The following INTS4 variants were observed in gnomAD, a reference collection of about 807,000 sequenced individuals.
The protein encoded by INTS4 is integrator complex subunit 4.
A neutral mutation model predicts 119.5 loss-of-function variants in INTS4; 70 were observed. The ratio of observed to expected loss-of-function variants is 0.59; its 90% confidence interval spans 0.48 to 0.71. INTS4 has a LOEUF of 0.71. Among genes scored for constraint, INTS4 ranks in the 30% least tolerant of loss-of-function variants. The pLI is 0.00. For missense variants in INTS4, 867 were observed against 1,173.2 expected, an observed-to-expected ratio of 0.74 and a Z score of 3.81; for synonymous variants, 316 against 419.6, an observed-to-expected ratio of 0.75 and a Z score of 3.02.
intron 8 of INTS4, among the ~76,000 whole-genome samples, chr11:77,951,991 A>C (rs1305327781): frequency 1.3e-5 from 2 of 152,238 alleles, no homozygotes. Context: ...TTAGAATGGC[A>C]ATCATTAAAA....
At chr11:77,960,921 T>C in intron 5 of INTS4, 32 bp downstream of exon 5, 1 of 1,573,672 alleles carries the variant, frequency 6.4e-7, no homozygotes, top group African/African-American at 1.4e-5. Context: ...AAATGAACAC[T>C]AGCCCCAACT....
At chr11:77,925,519 G>T (rs1251718247) in intron 11 of INTS4, among the ~76,000 whole-genome samples, 1 of 152,128 alleles carries the variant, frequency 6.6e-6, no homozygotes, top group African/African-American at 2.4e-5. Flanking sequence ...ATAAAGAGAG[G>T]TATACCTGTA....
At position 77,907,790 on chromosome 11, in the gene INTS4, T is replaced by A. The variant is rs1565236769; in HGVS notation, c.1943A>T (p.Glu648Val). ...TACTCCTGCCAATTCAGATTGAAGTTCTCCAAGTCTTTGCAGATCCCTATA... is the reference window on the plus strand; with the variant it reads ...TACTCCTGCCAATTCAGATTGAAGTACTCCAAGTCTTTGCAGATCCCTATA... ...FTIRDLQRLG[E>V]LQSELAGVAD... is the part of the protein sequence containing the mutation. Residue 648 changes from glutamate (E) to valine (V), a missense_variant, in exon 16 of 23, where the codon GAA becomes GTA. Around this residue, in one of 5 missense-constraint regions of INTS4, gnomAD observed 262 missense variants for 376.0 expected, o/e 0.70. Coordinates refer to ENST00000534064, the MANE Select transcript of INTS4 (RefSeq NM_033547.4). 6.2e-7 allele frequency: 1 copy of A among 1,613,198 alleles called. No individual in the cohort carries two copies. Among genetic ancestry groups the A allele is most frequent in the Admixed American group, 1.7e-5 (1 of 59,968 alleles).
rs141783704 is a variant in INTS4, at chr11:77,992,610, C to A, written c.55-1311G>T. On this transcript the variant is annotated intron_variant, in intron 1 of 22. Transcript: ENST00000534064. ...GCGTTTTTATGTACTGAGCAATCACCTCCTTACAAATTCACATTTCTATAG... is the reference window on the plus strand; with the variant it reads ...GCGTTTTTATGTACTGAGCAATCACATCCTTACAAATTCACATTTCTATAG... 7.8e-3 allele frequency among the ~76,000 whole-genome samples: 1,183 copies of A among 152,254 alleles called. 9 individuals carry two copies. The highest frequency in any genetic ancestry group is 0.011 in the Non-Finnish European group (768 of 68,010).
chr11:77,878,826 G>A lies in INTS4; in HGVS notation c.*123C>T, dbSNP rs761743402. ...TTATCCTGTGTTTGATACCAGATGA[G>A]ACTGTAAGGGTCACATACTCCTTAA... On this transcript the variant is annotated 3_prime_UTR_variant, in exon 23 of 23. Coordinates refer to ENST00000534064, the MANE Select transcript of INTS4 (RefSeq NM_033547.4). The A allele has an allele frequency of 1.5e-5, 12 of 785,800 alleles. No homozygotes were observed. Among genetic ancestry groups the A allele is most frequent in the African/African-American group, 5.1e-5 (3 of 58,372 alleles). 48.7% of individuals were successfully genotyped at this position (785,800 alleles called of 1,614,324 possible). A position where few individuals can be genotyped will look rare whatever the true frequency, so the allele number is the denominator to read the frequency against.
At chr11:77,931,266 T>C (rs1327996059) in intron 10 of INTS4, among the ~76,000 whole-genome samples, 2 of 151,980 alleles carry the variant, frequency 1.3e-5, no homozygotes, top group Non-Finnish European at 2.9e-5. Context: ...AGGGAGAAGA[T>C]GGATAAATTA....
Position 77,883,876 on chromosome 11 carries a change from T to C in INTS4, c.2669A>G (p.His890Arg). The C allele has an allele frequency of 6.2e-7, 1 of 1,613,086 alleles. No homozygotes were observed. Among genetic ancestry groups the C allele is most frequent in the South Asian group, 1.1e-5 (1 of 90,808 alleles). Residue 890 changes from histidine to arginine, a missense_variant, in exon 22 of 23, where the codon CAC (histidine) becomes CGC (arginine). This residue lies in a region of INTS4 where 122 missense variants were observed against 133.2 expected (regional missense o/e 0.92). Coordinates refer to ENST00000534064, the MANE Select transcript of INTS4 (RefSeq NM_033547.4). ...GAGATAAACCTGAGTGATGAGCCGG[T>C]GCCGCCCTGGGCCAGGATTCCGGAA... is the stretch of plus-strand genomic sequence containing the variant. Reference protein sequence around the residue: ...ADFRNPGPGRHRLITQVYLSH... With the variant: ...ADFRNPGPGRRRLITQVYLSH...
intron 14 of INTS4, among the ~76,000 whole-genome samples, chr11:77,920,182 T>TACACATATATATACATATACATAC (rs1953307547): frequency 1.0e-5 from 1 of 98,098 alleles, no homozygotes; most frequent in South Asian, 2.9e-4. Context: ...CATATACATA[T>TACACATATATATACATATACATAC]ACACATATAT....
At chr11:77,900,399 A>G (rs1952739424) in intron 18 of INTS4, among the ~76,000 whole-genome samples, 1 of 152,122 alleles carries the variant, frequency 6.6e-6, no homozygotes, top group Non-Finnish European at 1.5e-5. Flanking sequence ...ACACCCGGCC[A>G]CATATGAATA....
At chr11:77,969,302 G>A (rs1855620285) in intron 4 of INTS4, among the ~76,000 whole-genome samples, 1 of 152,138 alleles carries the variant, frequency 6.6e-6, no homozygotes, top group East Asian at 1.9e-4. Flanking sequence ...CCCAGAAAAC[G>A]TACGCAATTC....
At chr11:77,906,270 G>A (rs1952950673) in intron 16 of INTS4, among the ~76,000 whole-genome samples, 1 of 152,088 alleles carries the variant, frequency 6.6e-6, no homozygotes, top group African/African-American at 2.4e-5. Context: ...AAGAATTACT[G>A]ACTACAGAAT....
At chr11:77,883,729 A>T in intron 22 of INTS4, 103 bp downstream of exon 22, 1 of 1,227,902 alleles carries the variant, frequency 8.1e-7, no homozygotes, top group Non-Finnish European at 1.1e-6. Context: ...ACAAGGCCTG[A>T]TTCATCCATG....
intron 2 of INTS4, among the ~76,000 whole-genome samples, chr11:77,982,468 A>AT (rs1856283806): frequency 6.6e-6 from 1 of 152,120 alleles, no homozygotes; most frequent in South Asian, 2.1e-4. Context: ...CCAGATCCTG[A>AT]TTAGAAGTCT....
At chr11:77,874,404 G>C (rs1951543009), downstream of INTS4, among the ~76,000 whole-genome samples, 1 of 149,096 alleles carries the variant, frequency 6.7e-6, no homozygotes, top group Non-Finnish European at 1.5e-5. Flanking sequence ...AATGTAAGGT[G>C]AGACAGCTCT....
chr11:77,878,660 A>G (rs909771671), downstream of INTS4: 5 of 650,150 alleles, frequency 7.7e-6, no homozygotes, highest in African/African-American at 1.8e-5. Context: ...GTAAGCACGT[A>G]GTATAAAAGC....
Position 77,991,747 on chromosome 11 carries a change from G to A in INTS4, c.55-448C>T, listed in dbSNP as rs1405210317. Among the ~76,000 whole-genome samples, 4 of 151,954 alleles carry A rather than the reference G, an allele frequency of 2.6e-5. 1 individual carries two copies. The highest frequency in any genetic ancestry group is 1.3e-4 in the Admixed American group (2 of 15,256). ...ATTGTGGTAGCCTTTGGGTTTAGAG[G>A]TCACACAAAGGATCTACTCCATTTT... On this transcript the variant is annotated intron_variant, in intron 1 of 22. Coordinates refer to ENST00000534064, the MANE Select transcript of INTS4 (RefSeq NM_033547.4).
rs139576778 is a variant in INTS4, at chr11:77,900,100, C to CTT, written c.2228+1319_2228+1320dup. ...ATTTGTTAAATGAATATATGAATATCTTTTTTTTTTTTATATAAAGATGGA... is the reference window on the plus strand; with the variant it reads ...ATTTGTTAAATGAATATATGAATATCTTTTTTTTTTTTTTATATAAAGATGGA... On this transcript the variant is annotated intron_variant, in intron 18 of 22. Coordinates refer to ENST00000534064, the MANE Select transcript of INTS4 (RefSeq NM_033547.4). 3.6e-3 allele frequency among the ~76,000 whole-genome samples: 525 copies of CTT among 147,526 alleles called. 1 individual carries two copies. Among genetic ancestry groups the CTT allele is most frequent in the Non-Finnish European group, 5.8e-3 (383 of 66,566 alleles).
chr11:77,979,148 T>G, intron 3 of INTS4, 46 bp from the exon 4 acceptor site: 1 of 1,075,760 alleles, frequency 9.3e-7, no homozygotes, highest in Non-Finnish European at 1.4e-6. Flanking sequence ...TCGAAAGGGG[T>G]AACTATATAA....
At chr11:77,909,724 T>C (rs1463878534) in intron 15 of INTS4, among the ~76,000 whole-genome samples, 7 of 152,230 alleles carry the variant, frequency 4.6e-5, no homozygotes, top group Admixed American at 6.5e-5. Context: ...TGAAAACATA[T>C]CTGCCTATAG....
Sources: gnomAD v4.1 joint callset for allele counts (sites outside exome capture counted in the v4.1 genomes callset) on GRCh38, gnomAD v4.1.1 for gene constraint, gnomAD v4.1.1 regional missense constraint, MANE v1.5 for transcripts, NCBI Gene and HGNC (gene_info 2026-07-23, HGNC 2026-07-21) for gene names.